CDH12: variants seen among roughly 807,000 people sequenced by gnomAD.
CDH12 encodes the protein cadherin 12, also known as cadherin-12.
A neutral mutation model predicts 74.1 loss-of-function variants in CDH12; 41 were observed. The ratio of observed to expected loss-of-function variants is 0.55; its 90% confidence interval spans 0.43 to 0.72. The LOEUF is 0.72. CDH12 is among the 30% of genes least tolerant of loss of function. The probability of loss-of-function intolerance (pLI) is 0.00; values close to 1 mark genes in which losing one functional copy is unlikely to be tolerated. For synonymous variants in CDH12, 399 were observed against 355.0 expected (o/e 1.12, Z -1.39); for missense variants, 945 against 977.2 (o/e 0.97, Z 0.44).
rs1156406741 is a variant in CDH12, at chr5:21,982,494, TATAG to T, written c.232-7113_232-7110del. 3.3e-5 allele frequency among the ~76,000 whole-genome samples: 5 copies of T among 151,832 alleles called. No individual in the cohort carries two copies. In the South Asian group the frequency reaches 8.3e-4, roughly 25 times the overall value. On this transcript the variant is annotated intron_variant, in intron 5 of 14. Transcript: ENST00000382254. ...ATACCTATATAGAGAGATATATCTA[TATAG>T]ATATCTATACCTATATAGAGAGATA...
intron 1 of CDH12, among the ~76,000 whole-genome samples, chr5:22,828,538 A>G (rs951994517): frequency 2.6e-5 from 4 of 152,208 alleles, no homozygotes; most frequent in African/African-American, 4.8e-5. Context: ...ATAAATTGAA[A>G]AGCAGATCTC....
intron 3 of CDH12, among the ~76,000 whole-genome samples, chr5:22,322,378 A>AAC: frequency 6.9e-6 from 1 of 145,532 alleles, no homozygotes; most frequent in South Asian, 2.6e-4. Context: ...AAAAAAAAAA[A>AAC]CATGGTAATC....
intron 8 of CDH12, among the ~76,000 whole-genome samples, chr5:21,823,477 A>G (rs1192453961): frequency 4.6e-5 from 7 of 152,062 alleles, no homozygotes; most frequent in African/African-American, 1.7e-4. Context: ...AATTTGGCAA[A>G]CCCTAACTCT....
chr5:22,276,402 G>A (rs951241500), intron 3 of CDH12, among the ~76,000 whole-genome samples: 2 of 152,124 alleles, frequency 1.3e-5, no homozygotes, highest in Non-Finnish European at 2.9e-5. Context: ...AGCTCAATAT[G>A]TCTTGTACTA....
chr5:21,781,655 C>T (rs1371017360), intron 11 of CDH12, among the ~76,000 whole-genome samples: 4 of 150,778 alleles, frequency 2.7e-5, no homozygotes, highest in Middle Eastern at 3.2e-3. Flanking sequence ...ACCCAGAAGG[C>T]GGAGGTTGCG....
intron 4 of CDH12, chr5:22,143,859 CT>C (rs754149352): frequency 1.1e-4 from 16 of 152,186 alleles, no homozygotes; most frequent in Non-Finnish European, 1.8e-4. Flanking sequence ...GCATATACTT[CT>C]GTTTGTAAAA....
chr5:22,037,107 G>A (rs575499598), intron 5 of CDH12, among the ~76,000 whole-genome samples: 7 of 152,238 alleles, frequency 4.6e-5, no homozygotes, highest in African/African-American at 1.7e-4. Flanking sequence ...TAAGAAAATG[G>A]CGGCAAGCCG....
chr5:22,533,016 T>A (rs972639944), intron 1 of CDH12, among the ~76,000 whole-genome samples: 1 of 152,094 alleles, frequency 6.6e-6, no homozygotes, highest in African/African-American at 2.4e-5. Context: ...AAGAGGTATA[T>A]CCTGAAAATT....
intron 3 of CDH12, among the ~76,000 whole-genome samples, chr5:22,253,165 A>G (rs1451639231): frequency 6.6e-6 from 1 of 151,910 alleles, no homozygotes; most frequent in African/African-American, 2.4e-5. Context: ...AATATAATAT[A>G]CTAATGTGAG....
At chr5:22,666,297 T>G (rs969019715) in intron 1 of CDH12, among the ~76,000 whole-genome samples, 7 of 92,476 alleles carry the variant, frequency 7.6e-5, no homozygotes, top group South Asian at 3.9e-4. Flanking sequence ...TTTTTTTTTT[T>G]TTTTGTTTTT....
intron 5 of CDH12, among the ~76,000 whole-genome samples, chr5:22,010,466 C>T (rs942788702): frequency 1.4e-4 from 21 of 152,118 alleles, no homozygotes; most frequent in African/African-American, 7.2e-5. Context: ...GTGAATGCCC[C>T]GCTTCACCCA....
intron 1 of CDH12, among the ~76,000 whole-genome samples, chr5:22,623,406 T>TA (rs1483944165): frequency 6.6e-6 from 1 of 152,214 alleles, no homozygotes; most frequent in Admixed American, 6.5e-5. Flanking sequence ...ATTGTATATT[T>TA]AGAAAACCCC....
chr5:22,650,697 T>C (rs1047867775), intron 1 of CDH12, among the ~76,000 whole-genome samples: 2 of 152,158 alleles, frequency 1.3e-5, no homozygotes, highest in South Asian at 2.1e-4. Flanking sequence ...GAGAAAGAGA[T>C]AACAAGTGCA....
chr5:21,987,846 T>C (rs577448090), intron 5 of CDH12, among the ~76,000 whole-genome samples: 24 of 152,270 alleles, frequency 1.6e-4, no homozygotes, highest in Non-Finnish European at 2.8e-4. Flanking sequence ...TTCATGTTAC[T>C]TCAGAGATCA....
At chr5:22,066,532 G>A (rs568859102) in intron 5 of CDH12, among the ~76,000 whole-genome samples, 12 of 152,242 alleles carry the variant, frequency 7.9e-5, no homozygotes, top group African/African-American at 2.6e-4. Context: ...CCATCTCAGT[G>A]GAGCCAGTGG....
chr5:22,154,621 T>C (rs1251984119), intron 4 of CDH12, among the ~76,000 whole-genome samples: 2 of 149,978 alleles, frequency 1.3e-5, no homozygotes, highest in East Asian at 2.0e-4. Context: ...TATGTACACA[T>C]ATATATACAC....
intron 4 of CDH12, among the ~76,000 whole-genome samples, chr5:22,175,648 C>T (rs1215115160): frequency 7.2e-5 from 11 of 151,984 alleles, no homozygotes; most frequent in Admixed American, 2.6e-4. Context: ...TTGAATGGGA[C>T]ATGCCTGTAA....
intron 1 of CDH12, among the ~76,000 whole-genome samples, chr5:22,589,178 A>AT (rs1165698299): frequency 6.6e-6 from 1 of 151,956 alleles, no homozygotes; most frequent in Non-Finnish European, 1.5e-5. Context: ...CACTTCTGTT[A>AT]TTTTTTCTGC....
intron 8 of CDH12, among the ~76,000 whole-genome samples, chr5:21,826,599 G>GGTCA (rs1748684366): frequency 3.3e-5 from 5 of 152,064 alleles, no homozygotes; most frequent in Admixed American, 2.0e-4. Context: ...AGGATAGAGA[G>GGTCA]GTCATTTCCA....
Sources: gnomAD v4.1 joint callset for allele counts (sites outside exome capture counted in the v4.1 genomes callset) on GRCh38, gnomAD v4.1.1 for gene constraint, MANE v1.5 for transcripts, NCBI Gene and HGNC (gene_info 2026-07-23, HGNC 2026-07-21) for gene names.